SMC1A: variants seen among roughly 807,000 people sequenced by gnomAD.
The protein encoded by SMC1A is structural maintenance of chromosomes protein 1A.
A neutral mutation model predicts 94.5 loss-of-function variants in SMC1A; 4 were observed. The observed-to-expected ratio is 0.04, with a 90% CI of 0.02 to 0.10. The LOEUF (loss-of-function observed/expected upper bound fraction) is 0.10, where lower values mean the gene tolerates loss of function less well. SMC1A is among the 10% of genes least tolerant of loss of function. The pLI, the probability that SMC1A is intolerant of heterozygous loss-of-function variation, is 1.00. For missense variants in SMC1A, 304 were observed against 989.0 expected (o/e 0.31, Z 9.29); for synonymous variants, 345 against 347.7 (o/e 0.99, Z 0.09).
chrX:53,408,725 T>C (rs1226295525), intron 9 of SMC1A, among the ~76,000 whole-genome samples: 3 of 109,690 alleles, frequency 2.7e-5, no homozygotes, highest in Non-Finnish European at 5.7e-5. Context: ...CCAAAATCTT[T>C]CCTGGTTTTC....
Position 53,414,818 on chromosome X carries a change from G to A in SMC1A, c.351C>T (p.Tyr117=). ...INNKVVQLHE[Y]SEELEKLGIL... ...TGCCCAACTTCTCTAATTCCTCACT[G>A]TACTCATGTAGTTGGACCACTTTGT... The change falls in exon 3 of 25, where the codon TAC becomes TAT. Residue 117 remains tyrosine (Y), a synonymous_variant. Coordinates refer to ENST00000322213, the MANE Select transcript of SMC1A (RefSeq NM_006306.4). The A allele has an allele frequency of 8.3e-7, 1 of 1,208,974 alleles. No individual in the cohort carries two copies. Among genetic ancestry groups the A allele is most frequent in the Non-Finnish European group, 1.1e-6 (1 of 893,055 alleles).
Position 53,377,077 on chromosome X carries a change from T to C in SMC1A, c.*3026A>G, listed in dbSNP as rs1556885320. 8.9e-6 allele frequency: 1 copy of C among 112,072 alleles called. No individual in the cohort carries two copies. The highest frequency in any genetic ancestry group is 1.9e-5 in the Non-Finnish European group (1 of 53,229). The allele number at this position is 112,072 out of a possible 1,213,427, so 9.2% of individuals were successfully genotyped here. A position where few individuals can be genotyped will look rare whatever the true frequency, so the allele number is the denominator to read the frequency against. ...AAACACTGTGGTGCCCAGCCTCCCG[T>C]GAGCATAGCCTTGACAACGGTTGCC... is the stretch of plus-strand genomic sequence containing the variant. On this transcript the variant is annotated 3_prime_UTR_variant, in exon 25 of 25. Coordinates refer to ENST00000322213, the MANE Select transcript of SMC1A (RefSeq NM_006306.4).
upstream of SMC1A, chrX:53,422,664 C>A: frequency 1.3e-6 from 1 of 759,066 alleles, no homozygotes; most frequent in South Asian, 2.1e-5. Context: ...TGAGGTAGCC[C>A]GCGCGGGAAA....
chrX:53,393,732 T>TA (rs1367552579), intron 19 of SMC1A, among the ~76,000 whole-genome samples: 1 of 111,180 alleles, frequency 9.0e-6, no homozygotes, highest in Admixed American at 9.7e-5. Context: ...TTCCATAAGT[T>TA]AAAAAAATCA....
At chrX:53,419,490 G>C (rs2075745727) in intron 1 of SMC1A, among the ~76,000 whole-genome samples, 1 of 107,482 alleles carries the variant, frequency 9.3e-6, no homozygotes, top group Non-Finnish European at 1.9e-5. Context: ...TTGTGCCACT[G>C]TATGCCAGCC....
intron 19 of SMC1A, among the ~76,000 whole-genome samples, chrX:53,392,390 A>C (rs1348217505): frequency 1.0e-5 from 1 of 100,337 alleles, no homozygotes; most frequent in East Asian, 3.0e-4. Flanking sequence ...AGACTGTCTC[A>C]AAAAAAAAAA....
In SMC1A at chrX:53,416,302, C is replaced by CA. The variant is rs781824156; in HGVS notation, c.110-1134dup. Among the ~76,000 whole-genome samples, 294 of 58,012 alleles carry CA rather than the reference C, an allele frequency of 5.1e-3. 2 individuals carry two copies. Among genetic ancestry groups the CA allele is most frequent in the African/African-American group, 0.016 (243 of 15,248 alleles). 50.4% of individuals were successfully genotyped at this position (58,012 alleles called of 115,157 possible). On this transcript the variant is annotated intron_variant, in intron 1 of 24. Coordinates refer to ENST00000322213, the MANE Select transcript of SMC1A (RefSeq NM_006306.4). ...TGGGCAACAGAGTAAGACTCCATCTCAAAAAAAAAAAATAAAATAAAATAA... is the reference window on the plus strand; with the variant it reads ...TGGGCAACAGAGTAAGACTCCATCTCAAAAAAAAAAAAATAAAATAAAATAA...
intron 18 of SMC1A, 22 bp downstream of exon 18, chrX:53,396,205 C>T: frequency 8.3e-7 from 1 of 1,207,525 alleles, no homozygotes; most frequent in Non-Finnish European, 1.1e-6. Flanking sequence ...CGCCCACTCC[C>T]ACCACCAGCC....
chrX:53,409,762 A>G (rs2075704201), intron 7 of SMC1A, among the ~76,000 whole-genome samples: 1 of 111,519 alleles, frequency 9.0e-6, no homozygotes, highest in African/African-American at 3.3e-5. Context: ...TTCACCAACC[A>G]TGGAGGCTCA....
chrX:53,402,883 A>AAAAAAAAAAAAAAAAAAAAAAAAAC (rs2075676233), intron 15 of SMC1A, among the ~76,000 whole-genome samples: 1 of 90,102 alleles, frequency 1.1e-5, no homozygotes, highest in African/African-American at 4.3e-5. Flanking sequence ...AAAAAAAAAA[A>AAAAAAAAAAAAAAAAAAAAAAAAAC]AAGGGCCGGC....
Position 53,414,988 on chromosome X carries a change from G to A in SMC1A, c.291C>T (p.Val97=), listed in dbSNP as rs974035422. 8.3e-7 allele frequency: 1 copy of A among 1,208,893 alleles called. No individual in the cohort carries two copies. Among genetic ancestry groups the A allele is most frequent in the Non-Finnish European group, 1.1e-6 (1 of 894,868 alleles). Residue 97 remains valine, a synonymous_variant, in exon 2 of 25, where the codon GTC becomes GTT. Coordinates refer to ENST00000322213, the MANE Select transcript of SMC1A (RefSeq NM_006306.4). ...EGAEDRTFAR[V]IVGGSSEYKI... is the part of the protein sequence containing the mutation. ...CTGGCCAGCCTCACCCACCTACAAT[G>A]ACACGGGCAAAGGTACGGTCCTCAG... is the stretch of plus-strand genomic sequence containing the variant.
Position 53,380,192 on chromosome X carries a change from G to A in SMC1A, c.3619-6C>T. The A allele has an allele frequency of 2.6e-6, 3 of 1,175,558 alleles. No individual in the cohort carries two copies. Among genetic ancestry groups the A allele is most frequent in the Non-Finnish European group, 3.5e-6 (3 of 864,289 alleles). On this transcript the variant is annotated splice_region_variant and splice_polypyrimidine_tract_variant and intron_variant, in intron 24 of 24. Transcript: ENST00000322213. ...CTGATCACACAGTCCCCTTGCTGAA[G>A]GAGGAGGGAGAAAAAGAAAAATAAA...
chrX:53,408,332 A>AAATC (rs782118621), intron 9 of SMC1A, among the ~76,000 whole-genome samples: 22 of 111,233 alleles, frequency 2.0e-4, no homozygotes, highest in East Asian at 5.6e-4. Flanking sequence ...CTCCATCTCA[A>AAATC]AATCAATCAA....
intron 20 of SMC1A, 32 bp from the exon 21 acceptor site, chrX:53,382,692 T>G: frequency 8.3e-7 from 1 of 1,208,506 alleles, no homozygotes; most frequent in Non-Finnish European, 1.1e-6. Flanking sequence ...GACCCCTCAG[T>G]GCCCTGGCAA....
rs1569355072 is a variant in SMC1A at position 53,396,472 on chromosome X, T to C, written c.2708A>G (p.Lys903Arg). The change falls in exon 17 of 25, where the codon AAG becomes AGG. Residue 903 changes from lysine to arginine, a missense_variant and splice_region_variant. Around this residue, in one of 11 missense-constraint regions of SMC1A, gnomAD observed 35 missense variants for 95.4 expected, o/e 0.37. Coordinates refer to ENST00000322213, the MANE Select transcript of SMC1A (RefSeq NM_006306.4). ...EIRKKLGGAN[K>R]EMTHLQKEVT... Reference sequence around the variant, plus strand: ...CCACCCCAGGCCTGAACCCACTCACTTGTTGGCGCCCCCGAGTTTCTTACG... The same window carrying C: ...CCACCCCAGGCCTGAACCCACTCACCTGTTGGCGCCCCCGAGTTTCTTACG... The C allele has an allele frequency of 1.7e-6, 2 of 1,210,999 alleles. No homozygotes were observed. The highest frequency in any genetic ancestry group is 2.2e-6 in the Non-Finnish European group (2 of 895,362).
In SMC1A at chrX:53,380,314, T is replaced by C. The variant is rs782510409; in HGVS notation, c.3619-128A>G. 964 of 524,478 alleles carry C rather than the reference T, an allele frequency of 1.8e-3. 1 individual carries two copies. The highest frequency in any genetic ancestry group is 2.8e-3 in the Non-Finnish European group (846 of 300,611). The allele number at this position is 524,478 out of a possible 1,213,427, so 43.2% of individuals were successfully genotyped here. On this transcript the variant is annotated intron_variant, in intron 24 of 24. Coordinates refer to ENST00000322213, the MANE Select transcript of SMC1A (RefSeq NM_006306.4). ...CTGCCCAAAGCCCAGTCAATGGTTC[T>C]CTCTGGGTGTGAGAGGATATGCTCA... is the stretch of plus-strand genomic sequence containing the variant.
At chrX:53,420,833 A>G (rs1211429152) in intron 1 of SMC1A, among the ~76,000 whole-genome samples, 1 of 112,139 alleles carries the variant, frequency 8.9e-6, no homozygotes, top group African/African-American at 3.2e-5. Context: ...AACACCAGTA[A>G]AACGTTTCAA....
In SMC1A at chrX:53,394,801, C is replaced by T. The variant is rs782381563; in HGVS notation, c.2950G>A (p.Gly984Ser). 8.5e-6 allele frequency: 10 copies of T among 1,182,200 alleles called. No homozygotes were observed. Among genetic ancestry groups the T allele is most frequent in the Admixed American group, 6.7e-5 (3 of 44,711 alleles). Residue 984 changes from glycine to serine, a missense_variant, in exon 19 of 25, where the codon GGT becomes AGT. By Grantham distance (56) the Gly-to-Ser change is moderately conservative. Coordinates refer to ENST00000322213, the MANE Select transcript of SMC1A (RefSeq NM_006306.4). The part of the protein sequence containing the change: ...AREALIEIDY[G>S]DLCEDLKDAQ... ...ACCTTCAGATCCTCACACAGATCAC[C>T]GTAGTCAATCTCAATGAGGGCCTCT...
At chrX:53,414,685 T>C (rs1404787148) in intron 3 of SMC1A, 73 bp downstream of exon 3, 68 of 656,058 alleles carry the variant, frequency 1.0e-4, no homozygotes, top group Non-Finnish European at 1.6e-4. Context: ...AAGCCTGAGA[T>C]GGAGCAGACA....
Sources: allele counts gnomAD v4.1 joint callset (sites outside exome capture counted in the v4.1 genomes callset), GRCh38; gene constraint gnomAD v4.1.1; regional missense constraint gnomAD v4.1.1; transcripts MANE v1.5; gene names NCBI Gene and HGNC (gene_info 2026-07-23, HGNC 2026-07-21).